The following CRTC3 variants were observed in gnomAD, a reference collection of about 807,000 sequenced individuals.
CRTC3 encodes the protein CREB-regulated transcription coactivator 3.
Under a neutral mutation model 74.5 loss-of-function variants are expected in CRTC3, and 26 were observed. The observed-to-expected ratio is 0.35, with a 90% CI of 0.26 to 0.48. The LOEUF is 0.48. Among genes scored for constraint, CRTC3 ranks in the 20% least tolerant of loss-of-function variants. The pLI is 0.99. For synonymous variants in CRTC3, 377 were observed against 325.8 expected (o/e 1.16, Z -1.69); for missense variants, 760 against 787.3 (o/e 0.97, Z 0.41).
intron 9 of CRTC3, among the ~76,000 whole-genome samples, chr15:90,623,591 T>C (rs1052037510): frequency 6.6e-6 from 1 of 151,978 alleles, no homozygotes; most frequent in African/African-American, 2.4e-5. Context: ...TGCTGGAGCG[T>C]TCAGCAGAGT....
chr15:90,553,146 GT>G (rs1966865338), intron 2 of CRTC3, among the ~76,000 whole-genome samples: 1 of 152,128 alleles, frequency 6.6e-6, no homozygotes, highest in Admixed American at 6.5e-5. Context: ...TCTATTTTAT[GT>G]TGTTTCTTAT....
intron 3 of CRTC3, chr15:90,598,265 T>C: frequency 3.4e-6 from 2 of 596,952 alleles, no homozygotes; most frequent in Non-Finnish European, 6.0e-6. Flanking sequence ...CTGGGCCTGC[T>C]CACCCAGCCG....
chr15:90,535,593 C>T (rs969629193), intron 1 of CRTC3, among the ~76,000 whole-genome samples: 1 of 152,144 alleles, frequency 6.6e-6, no homozygotes, highest in Non-Finnish European at 1.5e-5. Context: ...ACTAACTCAG[C>T]ATATCACCCT....
chr15:90,563,536 A>T (rs988468185), intron 2 of CRTC3, among the ~76,000 whole-genome samples: 7 of 152,260 alleles, frequency 4.6e-5, no homozygotes, highest in Non-Finnish European at 7.3e-5. Context: ...AGCAAAGCAT[A>T]GCCTTGACCG....
intron 2 of CRTC3, among the ~76,000 whole-genome samples, chr15:90,572,920 C>T (rs910363103): frequency 5.3e-5 from 8 of 152,186 alleles, no homozygotes; most frequent in African/African-American, 1.9e-4. Flanking sequence ...AAACACATAA[C>T]TTAAAACTTA....
At chr15:90,575,176 C>T (rs1397816532) in intron 2 of CRTC3, among the ~76,000 whole-genome samples, 2 of 152,068 alleles carry the variant, frequency 1.3e-5, no homozygotes, top group East Asian at 1.9e-4. Context: ...TGAGTGAAAC[C>T]CCCGTCTCTG....
rs1484805582 is a variant in CRTC3 at position 90,643,060 on chromosome 15, C to G, written c.*920C>G. On this transcript the variant is annotated 3_prime_UTR_variant, in exon 15 of 15. Transcript: ENST00000268184. ...TCCCCATCCCTCCCCAGAGCTGTGT[C>G]TCTGTGGGCTGGGAGTCTAATGTCA... The G allele has an allele frequency of 1.3e-5, 3 of 232,232 alleles. No homozygotes were observed. The highest frequency in any genetic ancestry group is 2.6e-5 in the Non-Finnish European group (3 of 117,500). The allele number at this position is 232,232 out of a possible 1,614,324, so 14.4% of individuals were successfully genotyped here.
At chr15:90,586,024 T>C (rs1033960134) in intron 2 of CRTC3, among the ~76,000 whole-genome samples, 2 of 152,204 alleles carry the variant, frequency 1.3e-5, no homozygotes, top group African/African-American at 2.4e-5. Context: ...AATGGTGACA[T>C]CACATTCCGG....
At chr15:90,587,024 C>A (rs908043140) in intron 2 of CRTC3, among the ~76,000 whole-genome samples, 2 of 152,180 alleles carry the variant, frequency 1.3e-5, no homozygotes, top group African/African-American at 4.8e-5. Flanking sequence ...TCTAATTAAC[C>A]ACAAACATAA....
At chr15:90,536,841 T>A (rs937385981) in intron 1 of CRTC3, among the ~76,000 whole-genome samples, 1 of 152,152 alleles carries the variant, frequency 6.6e-6, no homozygotes, top group Non-Finnish European at 1.5e-5. Flanking sequence ...GCAAACACGA[T>A]CTAAGGGGGT....
intron 7 of CRTC3, 57 bp from the exon 8 acceptor site, chr15:90,617,826 C>T (rs575646187): frequency 1.7e-4 from 202 of 1,212,638 alleles, no homozygotes; most frequent in Non-Finnish European, 2.3e-4. Context: ...CCACCGTGCC[C>T]GGCCTGGATT....
At chr15:90,590,655 C>T (rs919695503) in intron 2 of CRTC3, among the ~76,000 whole-genome samples, 3 of 152,138 alleles carry the variant, frequency 2.0e-5, no homozygotes, top group East Asian at 3.9e-4. Flanking sequence ...CCACTGCACC[C>T]GGCCCAGACT....
In CRTC3 at chr15:90,551,944, G is replaced by GCGCACACACACACA. The variant is rs1555446977; in HGVS notation, c.231+11808_231+11809insGCACACACACACAC. On this transcript the variant is annotated intron_variant, in intron 2 of 14. Transcript: ENST00000268184. ...ATTACACACACGCACACACACACAC[G>GCGCACACACACACA]CACACACACACACACACACACACAA... Among the ~76,000 whole-genome samples, 17 of 129,272 alleles carry GCGCACACACACACA rather than the reference G, an allele frequency of 1.3e-4. No homozygotes were observed. In the East Asian group the frequency reaches 3.1e-3, roughly 24 times the overall value. 84.8% of individuals were successfully genotyped at this position (129,272 alleles called of 152,430 possible).
At chr15:90,640,923 G>C (rs1289658321) in intron 13 of CRTC3, 174 bp from the exon 14 acceptor site, 1 of 597,414 alleles carries the variant, frequency 1.7e-6, no homozygotes, top group African/African-American at 1.9e-5. Context: ...CTGCCTGCCT[G>C]ACAAGAATAT....
intron 11 of CRTC3, among the ~76,000 whole-genome samples, chr15:90,634,063 A>G (rs1969143373): frequency 6.6e-6 from 1 of 151,976 alleles, no homozygotes; most frequent in Non-Finnish European, 1.5e-5. Flanking sequence ...GCATAAAAGT[A>G]GAGAACATAA....
chr15:90,548,124 A>T (rs1265934729), intron 2 of CRTC3, among the ~76,000 whole-genome samples: 1 of 151,306 alleles, frequency 6.6e-6, no homozygotes, highest in Admixed American at 6.6e-5. Context: ...CCTGAGCTCA[A>T]GCGATCCACC....
Position 90,641,685 on chromosome 15 carries a change from C to CAAAAAAAAAAAAA in CRTC3, c.1652-246_1652-234dup, listed in dbSNP as rs11294553. Among the ~76,000 whole-genome samples the CAAAAAAAAAAAAA allele has an allele frequency of 3.0e-3, 401 of 132,728 alleles. 10 individuals are homozygous for CAAAAAAAAAAAAA. Among genetic ancestry groups the CAAAAAAAAAAAAA allele is most frequent in the African/African-American group, 0.011 (382 of 35,912 alleles). 87.1% of individuals were successfully genotyped at this position (132,728 alleles called of 152,430 possible). A position where few individuals can be genotyped will look rare whatever the true frequency, so the allele number is the denominator to read the frequency against. On this transcript the variant is annotated intron_variant, in intron 14 of 14. Transcript: ENST00000268184. Reference sequence around the variant, plus strand: ...GTACTCCAGCCTGGGCAACAGTCTCCAAAAAAAAAAAAAGATTTCATCTTA... The same window carrying CAAAAAAAAAAAAA: ...GTACTCCAGCCTGGGCAACAGTCTCCAAAAAAAAAAAAAAAAAAAAAAAAAAGATTTCATCTTA...
chr15:90,577,348 C>G (rs1292468626), intron 2 of CRTC3, among the ~76,000 whole-genome samples: 1 of 152,100 alleles, frequency 6.6e-6, no homozygotes, highest in Non-Finnish European at 1.5e-5. Context: ...GAGAAGTTGG[C>G]CAAATCAGTC....
chr15:90,566,108 A>G (rs1003287855), intron 2 of CRTC3, among the ~76,000 whole-genome samples: 2 of 152,216 alleles, frequency 1.3e-5, no homozygotes, highest in Non-Finnish European at 2.9e-5. Context: ...GTCTGGATAG[A>G]TCAAACTAGC....
Sources: gnomAD v4.1 joint callset for allele counts (sites outside exome capture counted in the v4.1 genomes callset) on GRCh38, gnomAD v4.1.1 for gene constraint, MANE v1.5 for transcripts, NCBI Gene and HGNC (gene_info 2026-07-23, HGNC 2026-07-21) for gene names.